Variants in GPHN observed in about 807,000 individuals in gnomAD.
GPHN encodes gephyrin.
In GPHN, 17 loss-of-function variants were observed where a neutral mutation model predicts 95.5. The observed-to-expected ratio is 0.18, with a 90% CI of 0.12 to 0.27. The LOEUF (loss-of-function observed/expected upper bound fraction) is 0.27. Ranked by LOEUF, GPHN falls within the 10% of genes least tolerant of loss-of-function variation. The pLI is 1.00. For missense variants in GPHN, 660 were observed against 978.1 expected (o/e 0.67, Z 4.34); for synonymous variants, 320 against 322.5 (o/e 0.99, Z 0.08).
At chr14:67,546,405 T>C in the GPHN span, among the ~76,000 whole-genome samples, 1 of 152,156 alleles carries the variant, frequency 6.6e-6, no homozygotes, top group Non-Finnish European at 1.5e-5. Context: ...GTTTTTGTTT[T>C]TGTTTTTGTT....
At chr14:67,361,404 G>A in the GPHN span, among the ~76,000 whole-genome samples, 1 of 152,208 alleles carries the variant, frequency 6.6e-6, no homozygotes, top group Non-Finnish European at 1.5e-5. Flanking sequence ...AGTAATGTTT[G>A]TAGAGATTCG....
chr14:66,509,846 T>C (rs1179855329), intron 1 of GPHN, among the ~76,000 whole-genome samples: 4 of 152,092 alleles, frequency 2.6e-5, no homozygotes, highest in African/African-American at 9.7e-5. Context: ...TATTATTAGG[T>C]AGAAAAAAAA....
the GPHN span, among the ~76,000 whole-genome samples, chr14:67,445,408 G>T: frequency 2.0e-5 from 3 of 151,802 alleles, no homozygotes; most frequent in African/African-American, 4.8e-5. Flanking sequence ...TGAACTGGGG[G>T]ACACCCAGTT....
chr14:67,161,511 C>A (rs2081979676), intron 19 of GPHN, among the ~76,000 whole-genome samples: 1 of 152,030 alleles, frequency 6.6e-6, no homozygotes, highest in Non-Finnish European at 1.5e-5. Flanking sequence ...CCTATAATCC[C>A]AGCATTTTGG....
At chr14:66,745,122 C>A (rs955361585) in intron 2 of GPHN, among the ~76,000 whole-genome samples, 2 of 152,038 alleles carry the variant, frequency 1.3e-5, no homozygotes, top group Non-Finnish European at 2.9e-5. Flanking sequence ...ATTATTTTCA[C>A]CTTTTGCTGC....
intron 8 of GPHN, among the ~76,000 whole-genome samples, chr14:66,938,482 T>C (rs2067240013): frequency 6.6e-6 from 1 of 152,180 alleles, no homozygotes; most frequent in Admixed American, 6.5e-5. Context: ...AGTCCTGTGA[T>C]AATTAATTAT....
intron 9 of GPHN, among the ~76,000 whole-genome samples, chr14:67,001,158 A>G (rs1201123661): frequency 1.3e-5 from 2 of 151,610 alleles, no homozygotes; most frequent in Non-Finnish European, 3.0e-5. Flanking sequence ...GAGAAAGGAG[A>G]TATGTATATC....
chr14:67,265,278 C>T, the GPHN span, among the ~76,000 whole-genome samples: 2 of 152,142 alleles, frequency 1.3e-5, no homozygotes, highest in Admixed American at 6.5e-5. Flanking sequence ...AACCCAGAGC[C>T]TGGGCATGGT....
At chr14:67,057,411 T>TGG (rs776663211) in intron 10 of GPHN, among the ~76,000 whole-genome samples, 2 of 135,876 alleles carry the variant, frequency 1.5e-5, no homozygotes, top group Admixed American at 7.5e-5. Context: ...GGCACATGGG[T>TGG]GGGGGGGGCA....
intron 1 of GPHN, among the ~76,000 whole-genome samples, chr14:66,656,210 A>C (rs1485519590): frequency 6.6e-6 from 1 of 152,188 alleles, no homozygotes; most frequent in East Asian, 1.9e-4. Flanking sequence ...TTTTCCAGTG[A>C]AAGAATTATT....
the GPHN span, among the ~76,000 whole-genome samples, chr14:67,539,894 AAAGACTCAATAAG>A: frequency 6.6e-6 from 1 of 152,232 alleles, no homozygotes; most frequent in Non-Finnish European, 1.5e-5. Context: ...GGCATACAAT[AAAGACTCAATAAG>A]CAATAGCTAC....
intron 2 of GPHN, among the ~76,000 whole-genome samples, chr14:66,757,952 T>G (rs142333342): frequency 5.3e-5 from 8 of 152,232 alleles, no homozygotes; most frequent in Non-Finnish European, 8.8e-5. Flanking sequence ...AGAGGGGATG[T>G]GGTGGGGAGG....
the GPHN span, among the ~76,000 whole-genome samples, chr14:67,192,825 C>T: frequency 7.0e-6 from 1 of 142,518 alleles, no homozygotes; most frequent in Non-Finnish European, 1.5e-5. Context: ...TCTATATGTA[C>T]AGATCTATAT....
At chr14:67,692,642 G>A in the GPHN span, 2 of 1,500,638 alleles carry the variant, frequency 1.3e-6, no homozygotes, top group Non-Finnish European at 1.8e-6. Flanking sequence ...TTTTTGAGCT[G>A]GCATTATAAA....
At chr14:67,214,627 T>C in the GPHN span, among the ~76,000 whole-genome samples, 12 of 152,102 alleles carry the variant, frequency 7.9e-5, no homozygotes, top group African/African-American at 2.7e-4. Flanking sequence ...TCTTTTGGCT[T>C]AGGATTGACT....
the GPHN span, among the ~76,000 whole-genome samples, chr14:67,242,429 T>A: frequency 2.0e-5 from 3 of 152,326 alleles, no homozygotes; most frequent in South Asian, 6.2e-4. Context: ...CAGTGAAAGG[T>A]GTTAATATTT....
intron 13 of GPHN, among the ~76,000 whole-genome samples, chr14:67,101,792 CA>C (rs2153679281): frequency 6.6e-6 from 1 of 151,364 alleles, no homozygotes; most frequent in Non-Finnish European, 1.5e-5. Context: ...TGGAGGTTTC[CA>C]AAAGGTTTTA....
At chr14:67,169,136 A>C (rs2082446652) in intron 21 of GPHN, 100 bp downstream of exon 21, 1 of 785,984 alleles carries the variant, frequency 1.3e-6, no homozygotes, top group Non-Finnish European at 2.2e-6. Context: ...GTTTTCTATT[A>C]GTTTTGATGG....
intron 16 of GPHN, among the ~76,000 whole-genome samples, chr14:67,117,995 G>GAAAC (rs2078788467): frequency 1.3e-5 from 2 of 152,238 alleles, no homozygotes; most frequent in South Asian, 4.1e-4. Context: ...GACCACCAGG[G>GAAAC]AAACCTGTTG....
Sources: gnomAD v4.1 joint callset for allele counts (sites outside exome capture counted in the v4.1 genomes callset) on GRCh38, gnomAD v4.1.1 for gene constraint, MANE v1.5 for transcripts, NCBI Gene and HGNC (gene_info 2026-07-23, HGNC 2026-07-21) for gene names.